The following PEPD variants were observed in gnomAD, a reference collection of about 807,000 sequenced individuals.
PEPD encodes xaa-Pro dipeptidase.
PEPD carries 53 observed loss-of-function variants against 60.7 expected under a neutral mutation model. The observed-to-expected ratio is 0.87, with a 90% CI of 0.70 to 1.10. The LOEUF (loss-of-function observed/expected upper bound fraction) is 1.10, where lower values mean the gene tolerates loss of function less well. Ranked by LOEUF, PEPD falls within the 50% of genes least tolerant of loss-of-function variation. The probability of loss-of-function intolerance (pLI) is 0.00; values close to 1 mark genes in which losing one functional copy is unlikely to be tolerated. For synonymous variants in PEPD, 267 were observed against 284.1 expected (o/e 0.94, Z 0.60); for missense variants, 711 against 711.9 (o/e 1.00, Z 0.01).
intron 11 of PEPD, among the ~76,000 whole-genome samples, chr19:33,403,000 C>CG (rs1968537623): frequency 6.6e-6 from 1 of 152,164 alleles, no homozygotes; most frequent in African/African-American, 2.4e-5. Context: ...CTCTGGGCAA[C>CG]GGCAGAGAAG....
intron 14 of PEPD, 65 bp from the exon 15 acceptor site, chr19:33,387,546 G>A: frequency 1.9e-6 from 3 of 1,600,000 alleles, no homozygotes; most frequent in Non-Finnish European, 2.6e-6. Flanking sequence ...AGAGGGCCGG[G>A]CCCATTCCAG....
At chr19:33,406,835 C>G (rs1055768616) in intron 11 of PEPD, among the ~76,000 whole-genome samples, 1 of 152,168 alleles carries the variant, frequency 6.6e-6, no homozygotes, top group African/African-American at 2.4e-5. Context: ...GTCGAGGTCT[C>G]GCCATTATCT....
At position 33,477,489 on chromosome 19, in the gene PEPD, A is replaced by G. The variant is rs541251533; in HGVS notation, c.548+557T>C. ...AAGAGCAATGCGATGGCTTAGGAAG[A>G]AAACTGGTGGCACACTGGGATGCGA... On this transcript the variant is annotated intron_variant, in intron 7 of 14. Transcript: ENST00000244137. 2.6e-5 allele frequency among the ~76,000 whole-genome samples: 4 copies of G among 152,350 alleles called. No homozygotes were observed. The South Asian group carries it at 8.3e-4, about 32-fold the overall frequency.
intron 9 of PEPD, among the ~76,000 whole-genome samples, chr19:33,438,166 C>T (rs1482050051): frequency 6.6e-6 from 1 of 152,306 alleles, no homozygotes; most frequent in East Asian, 1.9e-4. Context: ...GAGGGCAGAC[C>T]CAGGGTGCTG....
intron 3 of PEPD, 88 bp downstream of exon 3, chr19:33,510,940 G>T: frequency 7.1e-7 from 1 of 1,410,826 alleles, no homozygotes; most frequent in Non-Finnish European, 9.8e-7. Flanking sequence ...CCGTCCCCAG[G>T]CCCAACCCAG....
intron 9 of PEPD, among the ~76,000 whole-genome samples, chr19:33,418,264 A>G (rs1429319491): frequency 6.6e-6 from 1 of 152,208 alleles, no homozygotes; most frequent in Non-Finnish European, 1.5e-5. Flanking sequence ...CATGACCATA[A>G]TTGTGTCATT....
At chr19:33,426,262 A>G (rs997991337) in intron 9 of PEPD, among the ~76,000 whole-genome samples, 5 of 152,290 alleles carry the variant, frequency 3.3e-5, no homozygotes, top group Admixed American at 3.3e-4. Context: ...CCTTCTAGAA[A>G]AAGCAAGTGC....
intron 9 of PEPD, among the ~76,000 whole-genome samples, chr19:33,458,107 T>C (rs1340743413): frequency 2.0e-5 from 3 of 151,678 alleles, no homozygotes; most frequent in African/African-American, 7.3e-5. Context: ...TGGGTACATG[T>C]TGTGTGTGGT....
chr19:33,451,743 T>C lies in PEPD; in HGVS notation c.671+11252A>G, dbSNP rs576622715. Among the ~76,000 whole-genome samples, 35 of 152,242 alleles carry C rather than the reference T, an allele frequency of 2.3e-4. 1 individual carries two copies. Among genetic ancestry groups the C allele is most frequent in the Admixed American group, 6.5e-4 (10 of 15,302 alleles). ...GAAAATGTAACAACAACAACAAACA[T>C]AGCAACACCAGTGTCAGGCAAAGTC... On this transcript the variant is annotated intron_variant, in intron 9 of 14. Coordinates refer to ENST00000244137, the MANE Select transcript of PEPD (RefSeq NM_000285.4).
At chr19:33,438,564 G>A (rs1456476281) in intron 9 of PEPD, among the ~76,000 whole-genome samples, 1 of 152,244 alleles carries the variant, frequency 6.6e-6, no homozygotes, top group Non-Finnish European at 1.5e-5. Context: ...GCCCTGAGGT[G>A]ATGGGGGGCG....
intron 13 of PEPD, chr19:33,389,257 G>C (rs1001656478): frequency 6.6e-6 from 1 of 152,474 alleles, no homozygotes; most frequent in Non-Finnish European, 1.5e-5. Context: ...AGACACCACA[G>C]CCTGGCTGGT....
intron 3 of PEPD, among the ~76,000 whole-genome samples, chr19:33,503,663 C>T (rs74366484): frequency 0.012 from 1,769 of 152,292 alleles, 29 homozygotes; most frequent in South Asian, 0.073. Flanking sequence ...GGGCCATCAG[C>T]GAAATGCGTG....
chr19:33,424,608 G>T (rs1186245873), intron 9 of PEPD, among the ~76,000 whole-genome samples: 5 of 152,220 alleles, frequency 3.3e-5, no homozygotes, highest in Non-Finnish European at 7.3e-5. Context: ...AGGAGGATGA[G>T]GCGGGAGGAT....
intron 9 of PEPD, among the ~76,000 whole-genome samples, chr19:33,425,983 T>C (rs1160454282): frequency 6.6e-6 from 1 of 152,158 alleles, no homozygotes; most frequent in African/African-American, 2.4e-5. Flanking sequence ...CTAATTTATT[T>C]TATTTTATTT....
intron 7 of PEPD, among the ~76,000 whole-genome samples, chr19:33,465,685 A>G (rs1970007627): frequency 6.6e-6 from 1 of 152,122 alleles, no homozygotes; most frequent in African/African-American, 2.4e-5. Flanking sequence ...TCAGCTTCCC[A>G]TGGAACCCAA....
At chr19:33,466,208 C>T (rs1363905896) in intron 7 of PEPD, among the ~76,000 whole-genome samples, 3 of 152,176 alleles carry the variant, frequency 2.0e-5, no homozygotes, top group African/African-American at 7.2e-5. Context: ...AGATATGTTT[C>T]TTCTCTCAAT....
intron 10 of PEPD, among the ~76,000 whole-genome samples, chr19:33,413,275 C>T (rs1322707570): frequency 2.0e-5 from 3 of 152,252 alleles, no homozygotes; most frequent in African/African-American, 7.2e-5. Context: ...AGTGGCCTTC[C>T]TGTGCTTAGC....
chr19:33,424,386 TGGAAGGCCTG>T (rs1333234696), intron 9 of PEPD, among the ~76,000 whole-genome samples: 1 of 152,244 alleles, frequency 6.6e-6, no homozygotes, highest in East Asian at 1.9e-4. Context: ...GCTCCGGCTT[TGGAAGGCCTG>T]GGAAGAGCTG....
intron 7 of PEPD, among the ~76,000 whole-genome samples, chr19:33,474,297 A>AAGTCACTAAC (rs1970177501): frequency 6.6e-6 from 1 of 152,170 alleles, no homozygotes; most frequent in Admixed American, 6.5e-5. Flanking sequence ...CTCAACTGGC[A>AAGTCACTAAC]TTTTCTTGGG....
Sources: gnomAD v4.1 joint callset for allele counts (sites outside exome capture counted in the v4.1 genomes callset) on GRCh38, gnomAD v4.1.1 for gene constraint, MANE v1.5 for transcripts, NCBI Gene and HGNC (gene_info 2026-07-23, HGNC 2026-07-21) for gene names.